MYO5B: variants seen among roughly 807,000 people sequenced by gnomAD.
MYO5B encodes the protein myosin VB.
A neutral mutation model predicts 229.3 loss-of-function variants in MYO5B; 143 were observed. That is an observed-to-expected ratio of 0.62 (90% CI 0.54 to 0.72). MYO5B has a LOEUF of 0.72. MYO5B is among the 30% of genes least tolerant of loss of function. The pLI is 0.00. For missense variants in MYO5B, 2,321 were observed against 2,331.0 expected (o/e 1.00, Z 0.09); for synonymous variants, 918 against 885.2 (o/e 1.04, Z -0.66).
At chr18:50,175,361 T>A (rs879456336) in intron 1 of MYO5B, among the ~76,000 whole-genome samples, 1 of 152,232 alleles carries the variant, frequency 6.6e-6, no homozygotes, top group Non-Finnish European at 1.5e-5. Context: ...AGACAACAGG[T>A]GGTCATCTTC....
chr18:49,933,571 G>A (rs1466105068), intron 16 of MYO5B, among the ~76,000 whole-genome samples: 1 of 152,250 alleles, frequency 6.6e-6, no homozygotes, highest in Non-Finnish European at 1.5e-5. Context: ...TTGTCCCCAA[G>A]AGAACATTTG....
chr18:50,007,452 C>T (rs11662465), intron 4 of MYO5B, among the ~76,000 whole-genome samples: 26,731 of 152,186 alleles, frequency 0.18, 2,477 homozygotes, highest in East Asian at 0.25. Flanking sequence ...ACATGTCCTT[C>T]TCATGAAACT....
At chr18:50,013,237 T>C (rs2026181473) in intron 4 of MYO5B, among the ~76,000 whole-genome samples, 1 of 152,104 alleles carries the variant, frequency 6.6e-6, no homozygotes, top group African/African-American at 2.4e-5. Flanking sequence ...CAGAAACATC[T>C]CTAACAAAAC....
chr18:49,984,824 T>A lies in MYO5B; in HGVS notation c.840A>T (p.Thr280=). 2 of 1,599,634 alleles carry A rather than the reference T, an allele frequency of 1.3e-6. No individual in the cohort carries two copies. The highest frequency in any genetic ancestry group is 1.7e-6 in the Non-Finnish European group (2 of 1,166,820). Reference sequence around the variant, plus strand: ...ATGTATAGAAAAAGTCCTCTGCACTTGCTGTGGGAGGCGAGGAAATAAGGC... The same window carrying A: ...ATGTATAGAAAAAGTCCTCTGCACTAGCTGTGGGAGGCGAGGAAATAAGGC... The part of the protein sequence containing the change: ...GLPEFKELAL[T]SAEDFFYTSQ... The change falls in exon 8 of 40, where the codon ACA becomes ACT. Residue 280 remains threonine (T), a splice_region_variant and synonymous_variant. Transcript: ENST00000285039.
intron 3 of MYO5B, among the ~76,000 whole-genome samples, chr18:50,038,590 G>C (rs752230361): frequency 5.9e-5 from 9 of 152,060 alleles, no homozygotes; most frequent in Non-Finnish European, 1.2e-4. Context: ...TCACATTTCC[G>C]TATCATACTC....
intron 17 of MYO5B, among the ~76,000 whole-genome samples, chr18:49,916,412 G>A (rs1331391720): frequency 6.6e-6 from 1 of 152,186 alleles, no homozygotes; most frequent in African/African-American, 2.4e-5. Context: ...TCCGCTACCT[G>A]TACAGTGGAG....
chr18:50,108,320 T>C (rs1263703278), intron 1 of MYO5B, among the ~76,000 whole-genome samples: 1 of 152,222 alleles, frequency 6.6e-6, no homozygotes, highest in African/African-American at 2.4e-5. Context: ...CACAGAAGTG[T>C]GTACTGTTTT....
intron 17 of MYO5B, among the ~76,000 whole-genome samples, chr18:49,918,824 G>A (rs148534771): frequency 6.6e-6 from 1 of 152,304 alleles, no homozygotes; most frequent in African/African-American, 2.4e-5. Context: ...CAAATCAGCA[G>A]AGAAATAGAT....
chr18:50,067,626 G>C (rs79153615), intron 1 of MYO5B, among the ~76,000 whole-genome samples: 52 of 152,220 alleles, frequency 3.4e-4, no homozygotes, highest in Admixed American at 3.1e-3. Context: ...CTTAGTTTCC[G>C]TGAGAGCCCA....
At chr18:49,945,072 T>C (rs1787538) in intron 14 of MYO5B, among the ~76,000 whole-genome samples, 89,118 of 151,990 alleles carry the variant, frequency 0.59, 26,600 homozygotes, top group Middle Eastern at 0.73. Context: ...CTGCTTCCTC[T>C]AATCTTCTCC....
chr18:50,099,648 G>A (rs1489901412), intron 1 of MYO5B, among the ~76,000 whole-genome samples: 1 of 152,174 alleles, frequency 6.6e-6, no homozygotes, highest in Non-Finnish European at 1.5e-5. Context: ...TGGGCCCCCA[G>A]GAAACATATG....
chr18:50,011,975 G>A (rs1482230284), intron 4 of MYO5B, among the ~76,000 whole-genome samples: 1 of 152,002 alleles, frequency 6.6e-6, no homozygotes, highest in Non-Finnish European at 1.5e-5. Context: ...GGACAGCATA[G>A]GTAGTGTTCA....
chr18:49,993,647 C>T (rs2025955925), intron 5 of MYO5B, among the ~76,000 whole-genome samples: 1 of 152,116 alleles, frequency 6.6e-6, no homozygotes, highest in Admixed American at 6.5e-5. Context: ...ATGCCAAGTT[C>T]CAAACGGGTC....
intron 1 of MYO5B, among the ~76,000 whole-genome samples, chr18:50,101,555 A>T (rs1355672900): frequency 1.3e-5 from 2 of 152,200 alleles, no homozygotes; most frequent in African/African-American, 4.8e-5. Context: ...CAAGAAAAAA[A>T]AACAGACAAC....
At chr18:49,952,472 C>T (rs1191284244) in intron 14 of MYO5B, among the ~76,000 whole-genome samples, 2 of 152,116 alleles carry the variant, frequency 1.3e-5, no homozygotes, top group Non-Finnish European at 2.9e-5. Context: ...CTCCTTCTCT[C>T]CTTTCACAGT....
chr18:50,195,110 C>G lies in MYO5B; in HGVS notation c.-317G>C, dbSNP rs1302137986. The G allele has an allele frequency of 1.7e-5, 4 of 238,220 alleles. No individual in the cohort carries two copies. The highest frequency in any genetic ancestry group is 1.2e-4 in the Admixed American group (2 of 17,386). The allele number at this position is 238,220 out of a possible 1,614,324, so 14.8% of individuals were successfully genotyped here. A position where few individuals can be genotyped will look rare whatever the true frequency, so the allele number is the denominator to read the frequency against. ...GGCCGGCGAGGAGGGAGGACCCGCT[C>G]GCGTCAGAGCGGACGGCCCGTGCGC... On this transcript the variant is annotated 5_prime_UTR_variant, in exon 1 of 40. Transcript: ENST00000285039.
chr18:50,069,568 C>T (rs1240413600), intron 1 of MYO5B, among the ~76,000 whole-genome samples: 2 of 152,136 alleles, frequency 1.3e-5, no homozygotes, highest in African/African-American at 2.4e-5. Flanking sequence ...TCCCCGTTGC[C>T]CTCACTCCTC....
chr18:50,055,235 A>ACCCCCCCCCCCCCTCCCCCGGCCC, intron 2 of MYO5B, 33 bp downstream of exon 2: 1 of 353,292 alleles, frequency 2.8e-6, no homozygotes. Flanking sequence ...GCCCCACCTC[A>ACCCCCCCCCCCCCTCCCCCGGCCC]CCCCCGCCCC....
chr18:50,178,866 C>T (rs941180975), intron 1 of MYO5B, among the ~76,000 whole-genome samples: 6 of 152,148 alleles, frequency 3.9e-5, no homozygotes, highest in Admixed American at 1.3e-4. Context: ...TGGTTTCACA[C>T]TGCCAGTCAG....
Sources: allele counts gnomAD v4.1 joint callset (sites outside exome capture counted in the v4.1 genomes callset), GRCh38; gene constraint gnomAD v4.1.1; transcripts MANE v1.5; gene names NCBI Gene and HGNC (gene_info 2026-07-23, HGNC 2026-07-21).